The following SYTL2 variants were observed in gnomAD, a reference collection of about 807,000 sequenced individuals.
The protein encoded by SYTL2 is synaptotagmin like 2.
In SYTL2, 165 loss-of-function variants were observed where a neutral mutation model predicts 198.7. The observed-to-expected ratio is 0.83, with a 90% CI of 0.73 to 0.94. The LOEUF is 0.94. SYTL2 is among the 40% of genes least tolerant of loss of function. SYTL2 has a pLI of 0.00. For synonymous variants in SYTL2, 966 were observed against 917.7 expected, an observed-to-expected ratio of 1.05 and a Z score of -0.95; for missense variants, 2,835 against 2,582.8, an observed-to-expected ratio of 1.10 and a Z score of -2.12.
At chr11:85,736,769 AG>A (rs2153496160) in intron 5 of SYTL2, among the ~76,000 whole-genome samples, 154 bp from the exon 6 acceptor site, 1 of 152,378 alleles carries the variant, frequency 6.6e-6, no homozygotes, top group South Asian at 2.1e-4. Flanking sequence ...TAATCTGCTT[AG>A]CACAGAGTTA....
At position 85,736,678 on chromosome 11, in the gene SYTL2, A is replaced by G. The variant is rs143530145; in HGVS notation, c.472-63T>C. The G allele has an allele frequency of 9.5e-6, 8 of 845,294 alleles. No individual in the cohort carries two copies. In the African/African-American group the frequency reaches 1.2e-4, roughly 13 times the overall value. The allele number at this position is 845,294 out of a possible 1,614,324, so 52.4% of individuals were successfully genotyped here. A position where few individuals can be genotyped will look rare whatever the true frequency, so the allele number is the denominator to read the frequency against. The stretch of plus-strand genomic sequence containing the variant: ...GTCATGACAGCAACTCAGTGTTGGC[A>G]AATGCCTATTATCTTCAATTTTGAT... On this transcript the variant is annotated intron_variant, in intron 5 of 19. Coordinates refer to ENST00000359152, the MANE Select transcript of SYTL2 (RefSeq NM_206927.4).
chr11:85,741,318 C>T (rs1213201376), intron 4 of SYTL2, among the ~76,000 whole-genome samples: 2 of 152,118 alleles, frequency 1.3e-5, no homozygotes, highest in African/African-American at 2.4e-5. Context: ...TAGAAAATAT[C>T]TTATCTGAAG....
At chr11:85,756,788 G>A (rs769132229) in intron 2 of SYTL2, among the ~76,000 whole-genome samples, 7 of 152,292 alleles carry the variant, frequency 4.6e-5, no homozygotes, top group South Asian at 2.1e-4. Flanking sequence ...GTCAAGATAC[G>A]GAAATGGTAA....
At chr11:85,805,282 G>T (rs1013607417) in intron 1 of SYTL2, among the ~76,000 whole-genome samples, 2 of 150,966 alleles carry the variant, frequency 1.3e-5, no homozygotes, top group African/African-American at 4.9e-5. Context: ...CTTGAGCCCA[G>T]GAGTTCAAGA....
At position 85,724,186 on chromosome 11, in the gene SYTL2, G is replaced by A. The variant is rs757899654; in HGVS notation, c.5172C>T (p.Asn1724=). Reference sequence around the variant, plus strand: ...TACTTGTTTTTGTAGAGTTTTCTTTGTTCATCAGGAGAGGAATGGGTTGCC... The same window carrying A: ...TACTTGTTTTTGTAGAGTTTTCTTTATTCATCAGGAGAGGAATGGGTTGCC... ...RNRQPIPLLM[N]KENSTKTSKV... The change falls in exon 8 of 20, where the codon AAC becomes AAT. Residue 1724 remains asparagine, a synonymous_variant. Coordinates refer to ENST00000359152, the MANE Select transcript of SYTL2 (RefSeq NM_206927.4). The A allele has an allele frequency of 1.9e-6, 3 of 1,602,726 alleles. No homozygotes were observed. The highest frequency in any genetic ancestry group is 1.8e-5 in the Admixed American group (1 of 56,678).
intron 7 of SYTL2, 118 bp from the exon 8 acceptor site, chr11:85,728,085 G>T: frequency 3.6e-6 from 3 of 826,792 alleles, no homozygotes; most frequent in African/African-American, 1.7e-5. Flanking sequence ...ACCAATAGCT[G>T]TTTATACCAG....
intron 13 of SYTL2, 111 bp from the exon 14 acceptor site, chr11:85,709,611 G>A: frequency 9.8e-7 from 1 of 1,025,320 alleles, no homozygotes; most frequent in Non-Finnish European, 1.5e-6. Flanking sequence ...GCTTATAAAA[G>A]CAGTTAATTC....
intron 4 of SYTL2, among the ~76,000 whole-genome samples, chr11:85,742,119 C>A (rs2153512786): frequency 6.6e-6 from 1 of 152,282 alleles, no homozygotes; most frequent in South Asian, 2.1e-4. Context: ...CCATTACAAA[C>A]CTCTGCAGCA....
At chr11:85,795,779 C>T (rs989286600) in intron 1 of SYTL2, among the ~76,000 whole-genome samples, 2 of 152,140 alleles carry the variant, frequency 1.3e-5, no homozygotes, top group Admixed American at 1.3e-4. Flanking sequence ...AGGATGACTT[C>T]AGGTGAGCTG....
chr11:85,842,504 C>G, the SYTL2 span, among the ~76,000 whole-genome samples: 1 of 152,226 alleles, frequency 6.6e-6, no homozygotes, highest in Non-Finnish European at 1.5e-5. Context: ...CTCCCAATAA[C>G]TTGTTTGTTA....
intron 1 of SYTL2, among the ~76,000 whole-genome samples, chr11:85,789,525 G>A (rs1446945490): frequency 2.7e-5 from 4 of 149,066 alleles, no homozygotes; most frequent in South Asian, 2.1e-4. Flanking sequence ...ATCTTCCACC[G>A]CCCCTGGCCA....
intron 1 of SYTL2, among the ~76,000 whole-genome samples, chr11:85,795,853 G>A (rs1236471407): frequency 2.0e-5 from 3 of 151,892 alleles, no homozygotes; most frequent in Admixed American, 6.6e-5. Context: ...CTACCAAACT[G>A]CAAATAGTGC....
upstream of SYTL2, chr11:85,811,285 C>G (rs1258878334): frequency 1.3e-5 from 2 of 151,700 alleles, no homozygotes; most frequent in Non-Finnish European, 2.9e-5. Context: ...TCGCCCGGCA[C>G]ACAGCGCCTG....
intron 10 of SYTL2, chr11:85,718,131 T>C (rs908976004): frequency 5.9e-6 from 1 of 169,822 alleles, no homozygotes; most frequent in Middle Eastern, 3.0e-3. Context: ...ATACAAATTA[T>C]ACATTTGCAT....
At position 85,726,757 on chromosome 11, in the gene SYTL2, C is replaced by A; in HGVS notation, c.2601G>T (p.Gln867His). Reference protein sequence around the residue: ...VVLDEDDQASQLSNSYSSNKS... With the variant: ...VVLDEDDQASHLSNSYSSNKS... Reference sequence around the variant, plus strand: ...TATTTGAGGAATAAGAATTGGAGAGCTGGGATGCTTGATCATCCTCATCTA... The same window carrying A: ...TATTTGAGGAATAAGAATTGGAGAGATGGGATGCTTGATCATCCTCATCTA... The change falls in exon 8 of 20, where the codon CAG becomes CAT. Residue 867 changes from glutamine (Q) to histidine (H), a missense_variant. Around this residue, in one of 3 missense-constraint regions of SYTL2, gnomAD observed 2,645 missense variants for 2,381.7 expected, o/e 1.11. Transcript: ENST00000359152. 1 of 1,536,124 alleles carries A rather than the reference C, an allele frequency of 6.5e-7. No individual in the cohort carries two copies. The highest frequency in any genetic ancestry group is 1.2e-5 in the South Asian group (1 of 84,062).
At position 85,700,589 on chromosome 11, in the gene SYTL2, G is replaced by A; in HGVS notation, c.6194C>T (p.Ala2065Val). ...GTTTTCTGCTTCAAGGGCAACTGGT[G>A]CTGTCTGAAAAGTGAAGAAATGTCA... Reference protein sequence around the residue: ...LRWYPLKRKTAPVALEAENRG... With the variant: ...LRWYPLKRKTVPVALEAENRG... The change falls in exon 17 of 20, where the codon GCA (alanine) becomes GTA (valine). Residue 2065 changes from alanine (A) to valine (V), a missense_variant. Ala to Val is a moderately conservative substitution (Grantham distance 64). Coordinates refer to ENST00000359152, the MANE Select transcript of SYTL2 (RefSeq NM_206927.4). 6.2e-7 allele frequency: 1 copy of A among 1,613,740 alleles called. No homozygotes were observed. Among genetic ancestry groups the A allele is most frequent in the Non-Finnish European group, 8.5e-7 (1 of 1,179,688 alleles).
At chr11:85,819,145 A>G in the SYTL2 span, among the ~76,000 whole-genome samples, 14 of 152,236 alleles carry the variant, frequency 9.2e-5, no homozygotes, top group African/African-American at 3.4e-4. Context: ...CATAGATCTT[A>G]TAGGGTTTAA....
intron 8 of SYTL2, among the ~76,000 whole-genome samples, chr11:85,722,480 A>T (rs1224772850): frequency 6.6e-6 from 1 of 151,968 alleles, no homozygotes; most frequent in African/African-American, 2.4e-5. Flanking sequence ...AGCCTAGGTG[A>T]TTATTTAACG....
chr11:85,761,291 G>A (rs2092089254), intron 1 of SYTL2, among the ~76,000 whole-genome samples: 1 of 152,246 alleles, frequency 6.6e-6, no homozygotes, highest in South Asian at 2.1e-4. Context: ...GAATTTTAAA[G>A]AGAGTGGTTA....
Sources: allele counts gnomAD v4.1 joint callset (sites outside exome capture counted in the v4.1 genomes callset), GRCh38; gene constraint gnomAD v4.1.1; regional missense constraint gnomAD v4.1.1; transcripts MANE v1.5; gene names NCBI Gene and HGNC (gene_info 2026-07-23, HGNC 2026-07-21).